Variants in CNTNAP2 observed in about 807,000 individuals in gnomAD.
The protein encoded by CNTNAP2 is contactin associated protein 2.
In CNTNAP2, 98 loss-of-function variants were observed where a neutral mutation model predicts 155.2. The ratio of observed to expected loss-of-function variants is 0.63; its 90% CI spans 0.54 to 0.75. CNTNAP2 has a LOEUF of 0.75. CNTNAP2 is among the 30% of genes least tolerant of loss of function. The pLI is 0.00. For missense variants in CNTNAP2, 1,727 were observed against 1,688.1 expected (o/e 1.02, Z -0.40); for synonymous variants, 651 against 631.2 (o/e 1.03, Z -0.47).
chr7:146,388,124 A>G, intron 1 of CNTNAP2, among the ~76,000 whole-genome samples: 1 of 141,504 alleles, frequency 7.1e-6, no homozygotes, highest in South Asian at 2.3e-4. Flanking sequence ...TTTATTTTAT[A>G]TTTTTTCTTC....
intron 1 of CNTNAP2, among the ~76,000 whole-genome samples, chr7:146,183,410 C>A (rs1441703033): frequency 2.0e-5 from 3 of 151,926 alleles, no homozygotes; most frequent in Non-Finnish European, 4.4e-5. Flanking sequence ...CCAGCATTTT[C>A]CCCCTGGTTT....
At chr7:147,771,647 T>C (rs1234280382) in intron 13 of CNTNAP2, among the ~76,000 whole-genome samples, 1 of 152,230 alleles carries the variant, frequency 6.6e-6, no homozygotes. Flanking sequence ...TCATTTCTCC[T>C]TTGCAGTGCT....
At chr7:148,055,265 A>T (rs966815854) in intron 15 of CNTNAP2, among the ~76,000 whole-genome samples, 1 of 152,224 alleles carries the variant, frequency 6.6e-6, no homozygotes, top group African/African-American at 2.4e-5. Flanking sequence ...TGAAATTTTA[A>T]TATTTATTTA....
chr7:147,670,449 C>T (rs1795768383), intron 13 of CNTNAP2, among the ~76,000 whole-genome samples: 1 of 152,168 alleles, frequency 6.6e-6, no homozygotes, highest in Admixed American at 6.5e-5. Context: ...CTGTTTCTGG[C>T]TCAAATATTT....
At chr7:148,283,219 C>A (rs1585240437) in intron 21 of CNTNAP2, among the ~76,000 whole-genome samples, 2 of 92,364 alleles carry the variant, frequency 2.2e-5, no homozygotes, top group Non-Finnish European at 4.2e-5. Flanking sequence ...CCAGCCTGGG[C>A]AACAAAAGCA....
chr7:148,020,881 G>A (rs1434289518), intron 15 of CNTNAP2, among the ~76,000 whole-genome samples: 3 of 152,186 alleles, frequency 2.0e-5, no homozygotes, highest in Admixed American at 2.0e-4. Context: ...AGCTAAAAAG[G>A]TCAAAAACAA....
chr7:147,176,949 C>G (rs1472109982), intron 8 of CNTNAP2, among the ~76,000 whole-genome samples: 3 of 121,818 alleles, frequency 2.5e-5, no homozygotes, highest in Non-Finnish European at 4.8e-5. Context: ...AATTATAATT[C>G]TAAATATAAT....
At chr7:148,121,066 G>A (rs775876208) in intron 16 of CNTNAP2, among the ~76,000 whole-genome samples, 12 of 151,464 alleles carry the variant, frequency 7.9e-5, no homozygotes, top group South Asian at 2.1e-4. Flanking sequence ...ATGGTGTCTC[G>A]CTCTGTCGCC....
intron 1 of CNTNAP2, among the ~76,000 whole-genome samples, chr7:146,348,266 A>T (rs1251897012): frequency 2.6e-5 from 4 of 152,204 alleles, no homozygotes; most frequent in African/African-American, 7.2e-5. Context: ...TAAAAATATA[A>T]AAAAACAAAT....
At chr7:146,282,402 A>T (rs753595971) in intron 1 of CNTNAP2, among the ~76,000 whole-genome samples, 29 of 152,222 alleles carry the variant, frequency 1.9e-4, no homozygotes, top group Non-Finnish European at 3.7e-4. Context: ...TCCTGGTATG[A>T]AATGATTATA....
chr7:146,368,484 C>T (rs1029870094), intron 1 of CNTNAP2, among the ~76,000 whole-genome samples: 18 of 152,058 alleles, frequency 1.2e-4, no homozygotes, highest in Admixed American at 6.6e-5. Context: ...GCTGGCTCTG[C>T]CAGTCACTAT....
intron 14 of CNTNAP2, among the ~76,000 whole-genome samples, chr7:147,926,780 CAA>C (rs1045210497): frequency 1.3e-5 from 2 of 151,812 alleles, no homozygotes; most frequent in African/African-American, 4.8e-5. Context: ...ATGAAAAAAA[CAA>C]AGAGCGTTTT....
At chr7:147,889,929 C>G (rs1192187796) in intron 13 of CNTNAP2, among the ~76,000 whole-genome samples, 1 of 152,148 alleles carries the variant, frequency 6.6e-6, no homozygotes, top group Non-Finnish European at 1.5e-5. Context: ...ATATTGACCA[C>G]AGACTCGATT....
At chr7:146,965,597 T>A (rs920768699) in intron 3 of CNTNAP2, among the ~76,000 whole-genome samples, 1 of 151,942 alleles carries the variant, frequency 6.6e-6, no homozygotes, top group Non-Finnish European at 1.5e-5. Context: ...AGTTGGATGG[T>A]TTTGAATGCA....
intron 21 of CNTNAP2, among the ~76,000 whole-genome samples, chr7:148,348,556 C>A (rs552284915): frequency 6.6e-6 from 1 of 152,094 alleles, no homozygotes; most frequent in Admixed American, 6.6e-5. Context: ...TCACGGAGGA[C>A]GAGGTGACAG....
At chr7:146,383,434 G>A (rs548884004) in intron 1 of CNTNAP2, among the ~76,000 whole-genome samples, 1 of 152,154 alleles carries the variant, frequency 6.6e-6, no homozygotes, top group East Asian at 1.9e-4. Context: ...CGGCATTTCT[G>A]ATGAAAATGA....
chr7:147,580,678 C>G (rs993098107), intron 12 of CNTNAP2, among the ~76,000 whole-genome samples: 1 of 151,568 alleles, frequency 6.6e-6, no homozygotes, highest in Non-Finnish European at 1.5e-5. Context: ...TGCAATGGCA[C>G]GATCTCTGCT....
rs543022583 is a variant in CNTNAP2, at chr7:148,365,882, A to G, written c.3476-17767A>G. ...TATACATGTATGTGTATGCATGTAT[A>G]CATGTATGTGTATGCATGTATACAT... is the stretch of plus-strand genomic sequence containing the variant. On this transcript the variant is annotated intron_variant, in intron 21 of 23. Coordinates refer to ENST00000361727, the MANE Select transcript of CNTNAP2 (RefSeq NM_014141.6). 2.0e-5 allele frequency among the ~76,000 whole-genome samples: 2 copies of G among 99,344 alleles called. 1 individual carries two copies. Among genetic ancestry groups the G allele is most frequent in the South Asian group, 5.4e-4 (2 of 3,710 alleles). The allele number at this position is 99,344 out of a possible 152,430, so 65.2% of individuals were successfully genotyped here. A position where few individuals can be genotyped will look rare whatever the true frequency, so the allele number is the denominator to read the frequency against.
At chr7:147,579,130 T>C (rs1475909894) in intron 12 of CNTNAP2, among the ~76,000 whole-genome samples, 3 of 152,100 alleles carry the variant, frequency 2.0e-5, no homozygotes, top group African/African-American at 7.2e-5. Flanking sequence ...TTAAATGTAA[T>C]GAACTGTGTG....
Sources: allele counts gnomAD v4.1 joint callset (sites outside exome capture counted in the v4.1 genomes callset), GRCh38; gene constraint gnomAD v4.1.1; transcripts MANE v1.5; gene names NCBI Gene and HGNC (gene_info 2026-07-23, HGNC 2026-07-21).